The following RSU1 variants were observed in gnomAD, a reference collection of about 807,000 sequenced individuals.
RSU1 encodes rsu-1.
RSU1 carries 26 observed loss-of-function variants against 31.1 expected under a neutral mutation model. The ratio of observed to expected loss-of-function variants is 0.84; its 90% CI spans 0.61 to 1.16. The LOEUF is 1.16. Ranked by LOEUF, RSU1 falls within the 50% of genes most tolerant of loss-of-function variation. RSU1 has a pLI of 0.00. For synonymous variants in RSU1, 164 were observed against 136.3 expected, an observed-to-expected ratio of 1.20 and a Z score of -1.41; for missense variants, 320 against 339.1, an observed-to-expected ratio of 0.94 and a Z score of 0.44.
intron 8 of RSU1, among the ~76,000 whole-genome samples, chr10:16,595,750 C>T (rs577785275): frequency 2.0e-5 from 3 of 151,972 alleles, no homozygotes; most frequent in Admixed American, 6.6e-5. Context: ...AGGCAGATCA[C>T]GAGGTCAAGA....
chr10:16,711,062 A>G lies in RSU1; in HGVS notation c.599-15907T>C, dbSNP rs181672308. Reference sequence around the variant, plus strand: ...ATGTGCCACATTTTCTCTATCCAGGAAAGACTTTTTATAACTAATTGTCTC... The same window carrying G: ...ATGTGCCACATTTTCTCTATCCAGGGAAGACTTTTTATAACTAATTGTCTC... On this transcript the variant is annotated intron_variant, in intron 7 of 8. Transcript: ENST00000345264. Among the ~76,000 whole-genome samples the G allele has an allele frequency of 1.3e-3, 197 of 152,236 alleles. 1 individual carries two copies. Among genetic ancestry groups the G allele is most frequent in the African/African-American group, 4.2e-3 (174 of 41,568 alleles).
chr10:16,726,963 A>T, intron 7 of RSU1: 2 of 430,788 alleles, frequency 4.6e-6, no homozygotes. Context: ...GATTCTGATG[A>T]CTAAACTTGT....
At chr10:16,594,310 G>A (rs561829248) in intron 8 of RSU1, among the ~76,000 whole-genome samples, 12 of 152,224 alleles carry the variant, frequency 7.9e-5, no homozygotes, top group African/African-American at 2.2e-4. Context: ...AGAGCCTGAC[G>A]TCCCTGTACC....
chr10:16,718,057 C>T (rs77217652), intron 7 of RSU1, among the ~76,000 whole-genome samples: 5,112 of 141,176 alleles, frequency 0.036, 300 homozygotes, highest in African/African-American at 0.13. Flanking sequence ...AACACAAAGT[C>T]ATTTTCAAAT....
chr10:16,708,821 T>C (rs914512939), intron 7 of RSU1, among the ~76,000 whole-genome samples: 6 of 151,986 alleles, frequency 3.9e-5, no homozygotes, highest in African/African-American at 7.2e-5. Context: ...TTATCTTTTT[T>C]TTTTTAAGCT....
At chr10:16,720,258 C>G (rs1271940132) in intron 7 of RSU1, among the ~76,000 whole-genome samples, 1 of 152,162 alleles carries the variant, frequency 6.6e-6, no homozygotes, top group Non-Finnish European at 1.5e-5. Flanking sequence ...AGTACCTAAC[C>G]ATAGTTATGA....
At chr10:16,760,469 AT>A (rs1337135476) in intron 4 of RSU1, among the ~76,000 whole-genome samples, 1 of 149,966 alleles carries the variant, frequency 6.7e-6, no homozygotes, top group East Asian at 2.0e-4. Context: ...AGATCATGCC[AT>A]TGCACTGGAG....
intron 2 of RSU1, among the ~76,000 whole-genome samples, chr10:16,798,981 C>A (rs530456079): frequency 6.6e-6 from 1 of 152,096 alleles, no homozygotes; most frequent in Non-Finnish European, 1.5e-5. Flanking sequence ...TCTCTTGATG[C>A]CTTTCTGAGG....
At chr10:16,637,127 G>A (rs1300607892) in intron 8 of RSU1, among the ~76,000 whole-genome samples, 1 of 152,184 alleles carries the variant, frequency 6.6e-6, no homozygotes, top group African/African-American at 2.4e-5. Flanking sequence ...AGCTAGCTGA[G>A]GCCACTGCTC....
intron 8 of RSU1, among the ~76,000 whole-genome samples, chr10:16,642,066 T>G (rs1278708814): frequency 6.6e-6 from 1 of 152,186 alleles, no homozygotes. Context: ...TCTTGATTTT[T>G]TTAGGATATG....
At position 16,654,293 on chromosome 10, in the gene RSU1, G is replaced by A. The variant is rs934194622; in HGVS notation, c.731+40730C>T. Among the ~76,000 whole-genome samples the A allele has an allele frequency of 3.4e-5, 5 of 146,056 alleles. No homozygotes were observed. In the East Asian group the frequency reaches 6.1e-4, roughly 18 times the overall value. On this transcript the variant is annotated intron_variant, in intron 8 of 8. Coordinates refer to ENST00000345264, the MANE Select transcript of RSU1 (RefSeq NM_012425.4). ...ATTGGGATTACAAGTGTGTGCCACC[G>A]CTCATATGGTGTGACCCTGAAACAC... is the stretch of plus-strand genomic sequence containing the variant.
At chr10:16,615,584 C>A (rs917981078) in intron 8 of RSU1, among the ~76,000 whole-genome samples, 3 of 152,234 alleles carry the variant, frequency 2.0e-5, no homozygotes, top group African/African-American at 7.2e-5. Flanking sequence ...AATATACATT[C>A]TTCTCAATGC....
At chr10:16,607,958 G>A (rs1833832732) in intron 8 of RSU1, among the ~76,000 whole-genome samples, 2 of 152,104 alleles carry the variant, frequency 1.3e-5, no homozygotes, top group Non-Finnish European at 2.9e-5. Context: ...TGCCTCCCAA[G>A]TAGCTGGGAT....
Position 16,816,336 on chromosome 10 carries a change from T to A in RSU1, c.109+637A>T, listed in dbSNP as rs911472210. On this transcript the variant is annotated intron_variant, in intron 2 of 8. Transcript: ENST00000345264. ...CCCTGACCGCCCTCACTTGGAGGCA[T>A]GTGAATCTGCAATCCCTGGTTTTAA... 3.3e-5 allele frequency among the ~76,000 whole-genome samples: 5 copies of A among 152,204 alleles called. No individual in the cohort carries two copies. The East Asian group carries it at 9.7e-4, about 29-fold the overall frequency.
Position 16,781,964 on chromosome 10 carries a change from T to C in RSU1, c.160+70A>G. The C allele has an allele frequency of 2.3e-6, 3 of 1,308,082 alleles. No individual in the cohort carries two copies. The East Asian group carries it at 6.9e-5, about 30-fold the overall frequency. The allele number at this position is 1,308,082 out of a possible 1,614,324, so 81.0% of individuals were successfully genotyped here. A position where few individuals can be genotyped will look rare whatever the true frequency, so the allele number is the denominator to read the frequency against. ...TCATTAGTTTCTCCCAAGGAAACAG[T>C]AACAGACTCAGCAGTGCCATAGGAT... is the stretch of plus-strand genomic sequence containing the variant. On this transcript the variant is annotated intron_variant, in intron 3 of 8. Transcript: ENST00000345264.
Position 16,650,576 on chromosome 10 carries a change from C to CTTTT in RSU1, c.731+44443_731+44446dup, listed in dbSNP as rs139231306. ...AGCACTAATAAGGAGTCCTGAAAAG[C>CTTTT]TTTTTTTTTTTTTTTTTTTGTGAGA... On this transcript the variant is annotated intron_variant, in intron 8 of 8. Coordinates refer to ENST00000345264, the MANE Select transcript of RSU1 (RefSeq NM_012425.4). 8.3e-3 allele frequency among the ~76,000 whole-genome samples: 929 copies of CTTTT among 112,536 alleles called. 57 individuals carry two copies. Among genetic ancestry groups the CTTTT allele is most frequent in the African/African-American group, 0.03 (852 of 28,138 alleles). The allele number at this position is 112,536 out of a possible 152,430, so 73.8% of individuals were successfully genotyped here.
At chr10:16,662,524 A>C (rs1390944797) in intron 8 of RSU1, among the ~76,000 whole-genome samples, 1 of 152,176 alleles carries the variant, frequency 6.6e-6, no homozygotes, top group Non-Finnish European at 1.5e-5. Context: ...TGTCCTTATA[A>C]ACATATTGTA....
chr10:16,657,769 G>C (rs915670377), intron 8 of RSU1, among the ~76,000 whole-genome samples: 11 of 152,154 alleles, frequency 7.2e-5, no homozygotes, highest in Admixed American at 3.9e-4. Flanking sequence ...GAGGCGGGCA[G>C]ATCACTTGAG....
intron 8 of RSU1, among the ~76,000 whole-genome samples, chr10:16,612,664 C>T (rs563429372): frequency 6.6e-6 from 1 of 152,278 alleles, no homozygotes; most frequent in East Asian, 1.9e-4. Flanking sequence ...AGTTAAGCCT[C>T]CAGCTACACT....
Sources: allele counts gnomAD v4.1 joint callset (sites outside exome capture counted in the v4.1 genomes callset), GRCh38; gene constraint gnomAD v4.1.1; transcripts MANE v1.5; gene names NCBI Gene and HGNC (gene_info 2026-07-23, HGNC 2026-07-21).